TAFA2: variants seen among roughly 807,000 people sequenced by gnomAD.
TAFA2 encodes TAFA chemokine like family member 2.
In TAFA2, 7 loss-of-function variants were observed where a neutral mutation model predicts 18.8. That is an observed-to-expected ratio of 0.37 (90% CI 0.21 to 0.70). TAFA2 has a LOEUF of 0.70. Ranked by LOEUF, TAFA2 falls within the 30% of genes least tolerant of loss-of-function variation. The pLI, the probability that TAFA2 is intolerant of heterozygous loss-of-function variation, is 0.53. For missense variants in TAFA2, 122 were observed against 158.1 expected (o/e 0.77, Z 1.23); for synonymous variants, 60 against 54.2 (o/e 1.11, Z -0.47).
chr12:61,990,836 T>A (rs1278673989), intron 1 of TAFA2, among the ~76,000 whole-genome samples: 1 of 152,206 alleles, frequency 6.6e-6, no homozygotes, highest in Non-Finnish European at 1.5e-5. Flanking sequence ...TGTATATGTA[T>A]ATAAATGGAA....
At chr12:61,919,040 T>C (rs1311462362) in intron 1 of TAFA2, among the ~76,000 whole-genome samples, 1 of 152,220 alleles carries the variant, frequency 6.6e-6, no homozygotes, top group Non-Finnish European at 1.5e-5. Context: ...AAGTAAAGCA[T>C]ATAGCATACT....
At chr12:61,756,118 T>C (rs1474541646) in intron 2 of TAFA2, among the ~76,000 whole-genome samples, 5 of 152,032 alleles carry the variant, frequency 3.3e-5, no homozygotes, top group African/African-American at 1.2e-4. Flanking sequence ...GTGAAACCAA[T>C]GTGCAATAAG....
At chr12:61,881,228 T>C (rs1875122969) in intron 1 of TAFA2, among the ~76,000 whole-genome samples, 1 of 152,138 alleles carries the variant, frequency 6.6e-6, no homozygotes, top group African/African-American at 2.4e-5. Flanking sequence ...ATATTATATA[T>C]ACAGTTATGC....
At chr12:62,100,683 G>A (rs1353879970) in intron 1 of TAFA2, among the ~76,000 whole-genome samples, 1 of 152,152 alleles carries the variant, frequency 6.6e-6, no homozygotes, top group Non-Finnish European at 1.5e-5. Flanking sequence ...TGAATGTCAA[G>A]CACTGCACTA....
At chr12:62,168,531 G>A (rs973923538) in intron 1 of TAFA2, among the ~76,000 whole-genome samples, 6 of 151,944 alleles carry the variant, frequency 3.9e-5, no homozygotes, top group African/African-American at 1.4e-4. Context: ...TGAGGGGGAA[G>A]TACAGGCCAA....
At chr12:62,145,801 C>T (rs1287582587) in intron 1 of TAFA2, among the ~76,000 whole-genome samples, 6 of 152,282 alleles carry the variant, frequency 3.9e-5, no homozygotes, top group East Asian at 1.9e-4. Flanking sequence ...AAGGCATCCT[C>T]GCTTGACATA....
chr12:61,722,005 G>T (rs1023480029), intron 4 of TAFA2, among the ~76,000 whole-genome samples: 3 of 151,826 alleles, frequency 2.0e-5, no homozygotes, highest in Admixed American at 2.0e-4. Context: ...GTACTCCAGC[G>T]ATATCAAAAC....
intron 1 of TAFA2, among the ~76,000 whole-genome samples, chr12:62,138,189 C>G: frequency 6.6e-6 from 1 of 152,056 alleles, no homozygotes; most frequent in East Asian, 1.9e-4. Flanking sequence ...AAGGATGAGG[C>G]AAGAGGATGG....
At chr12:61,816,336 C>T (rs747367850) in intron 2 of TAFA2, among the ~76,000 whole-genome samples, 8 of 151,404 alleles carry the variant, frequency 5.3e-5, no homozygotes, top group Non-Finnish European at 1.0e-4. Context: ...CATCCATGTT[C>T]CTGCAAAAGA....
chr12:62,017,750 A>C (rs1880986696), intron 1 of TAFA2, among the ~76,000 whole-genome samples: 1 of 152,174 alleles, frequency 6.6e-6, no homozygotes, highest in Non-Finnish European at 1.5e-5. Context: ...ATATTTTTAT[A>C]AACAGCTGTA....
At chr12:62,059,157 G>GTGTGTGTGTGTGTGTGCGTA (rs1555186761) in intron 1 of TAFA2, among the ~76,000 whole-genome samples, 97 of 150,602 alleles carry the variant, frequency 6.4e-4, no homozygotes, top group African/African-American at 2.2e-3. Flanking sequence ...GTGTGTGTGT[G>GTGTGTGTGTGTGTGTGCGTA]TGTGTGTGTG....
In TAFA2 at chr12:61,743,482, G is replaced by C. The variant is rs759314698; in HGVS notation, c.384+10140C>G. Among the ~76,000 whole-genome samples the C allele has an allele frequency of 3.9e-5, 6 of 151,980 alleles. No individual in the cohort carries two copies. In the East Asian group the frequency reaches 9.7e-4, roughly 25 times the overall value. The stretch of plus-strand genomic sequence containing the variant: ...GCTCCTAGTGCTTTAATTCCCTGAG[G>C]TAAATCTCCACAAAATCCTTTACAT... On this transcript the variant is annotated intron_variant, in intron 4 of 4. Transcript: ENST00000416284.
chr12:62,178,961 AC>A (rs2062533709), intron 1 of TAFA2, among the ~76,000 whole-genome samples: 1 of 152,194 alleles, frequency 6.6e-6, no homozygotes, highest in Non-Finnish European at 1.5e-5. Flanking sequence ...TATGATTTTT[AC>A]CTTTCTCTAT....
At chr12:62,256,061 G>A (rs1380204900) in intron 1 of TAFA2, among the ~76,000 whole-genome samples, 2 of 151,950 alleles carry the variant, frequency 1.3e-5, no homozygotes, top group Non-Finnish European at 2.9e-5. Context: ...CAGAGGTCGG[G>A]AGTTTGAGAC....
chr12:62,247,500 T>C (rs1451996923), intron 1 of TAFA2, among the ~76,000 whole-genome samples: 3 of 152,248 alleles, frequency 2.0e-5, no homozygotes, highest in African/African-American at 7.2e-5. Context: ...TTTCCTACTT[T>C]ACTGTGCATT....
intron 2 of TAFA2, among the ~76,000 whole-genome samples, chr12:61,803,300 A>C (rs1592399148): frequency 1.3e-5 from 2 of 151,948 alleles, no homozygotes; most frequent in East Asian, 3.9e-4. Flanking sequence ...TGGAATTCTA[A>C]GTGTACCATG....
At chr12:62,197,406 G>T (rs1335003495), upstream of TAFA2, among the ~76,000 whole-genome samples, 1 of 152,084 alleles carries the variant, frequency 6.6e-6, no homozygotes, top group African/African-American at 2.4e-5. Context: ...AATCACTTTG[G>T]TGCACTTCAG....
intron 2 of TAFA2, among the ~76,000 whole-genome samples, chr12:61,824,952 G>A (rs1872481933): frequency 6.6e-6 from 1 of 152,150 alleles, no homozygotes. Context: ...GCATCAAAGT[G>A]AAATTGCCTA....
chr12:62,241,492 C>T (rs563490994), intron 1 of TAFA2, among the ~76,000 whole-genome samples: 8 of 152,236 alleles, frequency 5.3e-5, no homozygotes, highest in Admixed American at 2.6e-4. Flanking sequence ...TGCATTTATT[C>T]GTTGCACTAT....
Sources: gnomAD v4.1 joint callset for allele counts (sites outside exome capture counted in the v4.1 genomes callset) on GRCh38, gnomAD v4.1.1 for gene constraint, MANE v1.5 for transcripts, NCBI Gene and HGNC (gene_info 2026-07-23, HGNC 2026-07-21) for gene names.